Variants in SPIDR observed in about 807,000 individuals in gnomAD.
SPIDR encodes the protein scaffold protein involved in DNA repair.
Under a neutral mutation model 104.6 loss-of-function variants are expected in SPIDR, and 93 were observed. The ratio of observed to expected loss-of-function variants is 0.89; its 90% CI spans 0.75 to 1.06. The LOEUF (loss-of-function observed/expected upper bound fraction) is 1.06. SPIDR is among the 50% of genes least tolerant of loss of function. SPIDR has a pLI of 0.00. For synonymous variants in SPIDR, 431 were observed against 416.9 expected (o/e 1.03, Z -0.41); for missense variants, 1,154 against 1,111.2 (o/e 1.04, Z -0.55).
intron 2 of SPIDR, among the ~76,000 whole-genome samples, chr8:47,283,261 T>C (rs1317917712): frequency 2.6e-5 from 4 of 152,184 alleles, no homozygotes; most frequent in Non-Finnish European, 4.4e-5. Context: ...AATATTGGTG[T>C]GTTGCAGAGA....
At chr8:47,417,042 T>C (rs1554675950) in intron 7 of SPIDR, among the ~76,000 whole-genome samples, 1 of 152,122 alleles carries the variant, frequency 6.6e-6, no homozygotes, top group Non-Finnish European at 1.5e-5. Flanking sequence ...GACATTTGGG[T>C]TGGTTCCAAG....
At chr8:47,725,600 C>T (rs1310822029) in intron 16 of SPIDR, among the ~76,000 whole-genome samples, 1 of 152,164 alleles carries the variant, frequency 6.6e-6, no homozygotes, top group African/African-American at 2.4e-5. Flanking sequence ...CTGTGTTGGC[C>T]AGGATGGTCT....
chr8:47,477,338 A>C (rs1273197286), intron 8 of SPIDR, among the ~76,000 whole-genome samples: 3 of 152,098 alleles, frequency 2.0e-5, no homozygotes, highest in African/African-American at 7.2e-5. Context: ...CTGGGATTAC[A>C]GGCGCTTGGC....
At position 47,558,045 on chromosome 8, in the gene SPIDR, C is replaced by T. The variant is rs555091163; in HGVS notation, c.1098-37766C>T. On this transcript the variant is annotated intron_variant, in intron 8 of 19. Transcript: ENST00000297423. ...GAGGCCATTATTCTAAGTGAATTAA[C>T]GCAGAAACACAACCAAACACCACAT... is the stretch of plus-strand genomic sequence containing the variant. 1.3e-4 allele frequency among the ~76,000 whole-genome samples: 20 copies of T among 152,238 alleles called. No individual in the cohort carries two copies. The South Asian group carries it at 2.1e-3, about 16-fold the overall frequency.
At chr8:47,570,517 T>C (rs2058383327) in intron 8 of SPIDR, among the ~76,000 whole-genome samples, 1 of 152,134 alleles carries the variant, frequency 6.6e-6, no homozygotes, top group African/African-American at 2.4e-5. Context: ...GATTCTTAGG[T>C]ATGACACTAA....
At chr8:47,536,476 A>G (rs1257813926) in intron 8 of SPIDR, among the ~76,000 whole-genome samples, 1 of 152,210 alleles carries the variant, frequency 6.6e-6, no homozygotes, top group Non-Finnish European at 1.5e-5. Context: ...TGACATAAAT[A>G]TAGTCAACTG....
chr8:47,362,540 CCT>C (rs1554630870), intron 5 of SPIDR, among the ~76,000 whole-genome samples: 1 of 152,148 alleles, frequency 6.6e-6, no homozygotes, highest in East Asian at 1.9e-4. Context: ...ATTGTGTCTT[CCT>C]CTGTCTTTGT....
intron 7 of SPIDR, among the ~76,000 whole-genome samples, chr8:47,410,080 C>T (rs1396438805): frequency 6.6e-6 from 1 of 152,134 alleles, no homozygotes; most frequent in Non-Finnish European, 1.5e-5. Context: ...ATTGCCTTCT[C>T]TCACATTCTT....
At position 47,713,583 on chromosome 8, in the gene SPIDR, G is replaced by C. The variant is rs539597453; in HGVS notation, c.2283G>C (p.Pro761=). Residue 761 remains proline, a synonymous_variant, in exon 16 of 20, where the codon CCG becomes CCC. Coordinates refer to ENST00000297423, the MANE Select transcript of SPIDR (RefSeq NM_001080394.4). ...CAAGTTCCTGTGAGCTGCCTGGCCC[G>C]GTGATGCTCGACAGCCTGGACTCTG... ...SGASSCELPG[P]VMLDSLDSAT... 3.7e-6 allele frequency: 6 copies of C among 1,614,172 alleles called. No individual in the cohort carries two copies. In the South Asian group the frequency reaches 6.6e-5, roughly 18 times the overall value.
At chr8:47,722,968 A>G (rs1210471720) in intron 16 of SPIDR, among the ~76,000 whole-genome samples, 1 of 152,092 alleles carries the variant, frequency 6.6e-6, no homozygotes, top group Non-Finnish European at 1.5e-5. Flanking sequence ...CCTCCCGAGT[A>G]ACTAGGACTA....
At chr8:47,521,894 T>C in intron 8 of SPIDR, among the ~76,000 whole-genome samples, 1 of 151,910 alleles carries the variant, frequency 6.6e-6, no homozygotes, top group Non-Finnish European at 1.5e-5. Context: ...CCAGGCACGA[T>C]GGCTTATGCC....
At chr8:47,672,715 A>T (rs936390080) in intron 10 of SPIDR, among the ~76,000 whole-genome samples, 2 of 152,220 alleles carry the variant, frequency 1.3e-5, no homozygotes, top group African/African-American at 4.8e-5. Flanking sequence ...TAATATCTCA[A>T]GTCCCCAGCA....
intron 5 of SPIDR, chr8:47,360,919 T>A: frequency 1.0e-6 from 1 of 985,432 alleles, no homozygotes; most frequent in Non-Finnish European, 1.2e-6. Flanking sequence ...AGGATAAGAC[T>A]TTGATTCAAC....
At chr8:47,473,739 A>T (rs1339219866) in intron 8 of SPIDR, among the ~76,000 whole-genome samples, 3 of 152,170 alleles carry the variant, frequency 2.0e-5, no homozygotes, top group African/African-American at 7.2e-5. Flanking sequence ...GCTTTGCAAG[A>T]CCAGTGTAGC....
chr8:47,501,470 T>C (rs903177474), intron 8 of SPIDR, among the ~76,000 whole-genome samples: 58 of 152,290 alleles, frequency 3.8e-4, no homozygotes, highest in Non-Finnish European at 6.6e-4. Context: ...ATAAGAATGC[T>C]TGTGATTTTT....
chr8:47,469,863 A>G (rs1374438460), intron 8 of SPIDR, among the ~76,000 whole-genome samples: 2 of 152,208 alleles, frequency 1.3e-5, no homozygotes, highest in African/African-American at 2.4e-5. Flanking sequence ...CCCTGAACTT[A>G]AAAGGTAAAG....
At chr8:47,398,335 CAG>C (rs2061472273) in intron 6 of SPIDR, among the ~76,000 whole-genome samples, 1 of 152,022 alleles carries the variant, frequency 6.6e-6, no homozygotes, top group Non-Finnish European at 1.5e-5. Context: ...TTGCTCATAA[CAG>C]AGAGCAAAGG....
At chr8:47,528,722 A>C (rs1239867534) in intron 8 of SPIDR, among the ~76,000 whole-genome samples, 1 of 152,142 alleles carries the variant, frequency 6.6e-6, no homozygotes, top group East Asian at 1.9e-4. Context: ...GTGAGCTTGA[A>C]GAAATGTCAA....
At chr8:47,583,186 G>T (rs2059909465) in intron 8 of SPIDR, among the ~76,000 whole-genome samples, 1 of 151,192 alleles carries the variant, frequency 6.6e-6, no homozygotes, top group Non-Finnish European at 1.5e-5. Flanking sequence ...GGCGCCTGTA[G>T]TCCCAGCTAC....
Sources: allele counts gnomAD v4.1 joint callset (sites outside exome capture counted in the v4.1 genomes callset), GRCh38; gene constraint gnomAD v4.1.1; transcripts MANE v1.5; gene names NCBI Gene and HGNC (gene_info 2026-07-23, HGNC 2026-07-21).